FERRY3: variants seen among roughly 807,000 people sequenced by gnomAD.
FERRY3 encodes FERRY endosomal RAB5 effector complex subunit 3.
the FERRY3 span, chr12:4,525,327 G>A: frequency 6.2e-7 from 1 of 1,613,138 alleles, no homozygotes; most frequent in Admixed American, 1.7e-5. Flanking sequence ...TCTTGTTTTT[G>A]GATGGCAGTT....
the FERRY3 span, chr12:4,535,937 GC>G: frequency 1.6e-6 from 2 of 1,213,898 alleles, no homozygotes; most frequent in Admixed American, 2.9e-5. This position sits in a 1 kb window ranked among gnomAD's most constrained non-coding sequence, Gnocchi z 4.0. Flanking sequence ...TTAGGTTTAT[GC>G]TTTCTAATAT....
At chr12:4,530,037 T>C in the FERRY3 span, 1 of 1,611,938 alleles carries the variant, frequency 6.2e-7, no homozygotes, top group Admixed American at 1.7e-5. Flanking sequence ...AGGCCTTGCA[T>C]GCTCTAACGT....
chr12:4,496,903 T>C, the FERRY3 span, among the ~76,000 whole-genome samples: 3 of 152,190 alleles, frequency 2.0e-5, no homozygotes, highest in Admixed American at 6.5e-5. Flanking sequence ...AGATGAGAAA[T>C]AGTTTGGCTT....
the FERRY3 span, among the ~76,000 whole-genome samples, chr12:4,506,618 C>A: frequency 6.6e-6 from 1 of 152,138 alleles, no homozygotes; most frequent in Non-Finnish European, 1.5e-5. Context: ...CAAATAGAAT[C>A]TCTGTTAAGT....
At chr12:4,505,587 C>T in the FERRY3 span, among the ~76,000 whole-genome samples, 2 of 152,204 alleles carry the variant, frequency 1.3e-5, no homozygotes, top group Non-Finnish European at 2.9e-5. Flanking sequence ...AGTCCTACTA[C>T]TATGTCCATT....
chr12:4,538,395 G>A, the FERRY3 span: 1 of 154,514 alleles, frequency 6.5e-6, no homozygotes, highest in Non-Finnish European at 1.4e-5. Flanking sequence ...ATCCTCACTC[G>A]GTTCTGGGCT....
chr12:4,493,694 G>A, the FERRY3 span, among the ~76,000 whole-genome samples: 1 of 152,154 alleles, frequency 6.6e-6, no homozygotes, highest in African/African-American at 2.4e-5. Context: ...AGCTACAGTG[G>A]TCTTATGGAG....
the FERRY3 span, among the ~76,000 whole-genome samples, chr12:4,526,237 G>A: frequency 6.6e-6 from 1 of 152,168 alleles, no homozygotes; most frequent in Non-Finnish European, 1.5e-5. Context: ...AGGACTAGAA[G>A]GGCATGAAAG....
chr12:4,516,240 G>C, the FERRY3 span, among the ~76,000 whole-genome samples: 1 of 152,044 alleles, frequency 6.6e-6, no homozygotes, highest in Admixed American at 6.6e-5. Context: ...ACTTTCCACT[G>C]AGTGCCTACT....
At chr12:4,489,940 CATT>C in the FERRY3 span, 2 of 1,273,104 alleles carry the variant, frequency 1.6e-6, no homozygotes, top group Non-Finnish European at 2.3e-6. Context: ...GTTAAATCAT[CATT>C]GATTTTAAAA....
the FERRY3 span, among the ~76,000 whole-genome samples, chr12:4,514,855 A>T: frequency 2.7e-5 from 4 of 150,806 alleles, no homozygotes; most frequent in East Asian, 3.9e-4. Context: ...AACCTGCACA[A>T]TGTGCACATG....
At chr12:4,500,016 C>T in the FERRY3 span, 44 of 867,412 alleles carry the variant, frequency 5.1e-5, 1 homozygote, top group African/African-American at 5.6e-4. Context: ...CTAACCAGAT[C>T]GGAGATGCAA....
the FERRY3 span, chr12:4,508,879 C>T: frequency 6.6e-6 from 1 of 152,316 alleles, no homozygotes; most frequent in South Asian, 2.1e-4. Flanking sequence ...GACTATTACC[C>T]TAATATTTAG....
chr12:4,530,422 G>A, the FERRY3 span, among the ~76,000 whole-genome samples: 12 of 152,072 alleles, frequency 7.9e-5, no homozygotes, highest in African/African-American at 2.9e-4. Context: ...CAGGACAGTG[G>A]GATTTCTGAT....
At chr12:4,491,366 T>C in the FERRY3 span, 1 of 696,380 alleles carries the variant, frequency 1.4e-6, no homozygotes, top group Non-Finnish European at 2.3e-6. Flanking sequence ...TAATCCCAAC[T>C]GGATTTCCTC....
At chr12:4,490,172 A>G in the FERRY3 span, among the ~76,000 whole-genome samples, 1 of 152,190 alleles carries the variant, frequency 6.6e-6, no homozygotes, top group African/African-American at 2.4e-5. Context: ...AGTAATAAAA[A>G]ACCACTAATT....
At chr12:4,525,826 A>G in the FERRY3 span, among the ~76,000 whole-genome samples, 1 of 152,206 alleles carries the variant, frequency 6.6e-6, no homozygotes, top group African/African-American at 2.4e-5. Context: ...ATCTAAATGT[A>G]TTGCACAGAC....
At chr12:4,520,239 A>C in the FERRY3 span, among the ~76,000 whole-genome samples, 1 of 152,234 alleles carries the variant, frequency 6.6e-6, no homozygotes, top group African/African-American at 2.4e-5. Flanking sequence ...GTATTTCCAG[A>C]AAACACTGAG....
chr12:4,538,356 C>T, the FERRY3 span: 2 of 154,018 alleles, frequency 1.3e-5, no homozygotes, highest in Middle Eastern at 3.2e-3. Flanking sequence ...GGACTAATCC[C>T]TCTGTAACGG....
Sources: allele counts gnomAD v4.1 joint callset (sites outside exome capture counted in the v4.1 genomes callset), GRCh38; gene constraint gnomAD v4.1.1; non-coding constraint Gnocchi (gnomAD v3.1); transcripts MANE v1.5; gene names NCBI Gene and HGNC (gene_info 2026-07-23, HGNC 2026-07-21).